Variants in TCERG1L observed in about 807,000 individuals in gnomAD.
TCERG1L encodes transcription elongation regulator 1 like, also known as transcription elongation regulator 1-like protein.
TCERG1L carries 37 observed loss-of-function variants against 56.3 expected under a neutral mutation model. That is an observed-to-expected ratio of 0.66 (90% CI 0.51 to 0.87). The LOEUF (loss-of-function observed/expected upper bound fraction) is 0.87, where lower values mean the gene tolerates loss of function less well. TCERG1L is among the 40% of genes least tolerant of loss of function. TCERG1L has a pLI of 0.00. For missense variants in TCERG1L, 799 were observed against 774.2 expected, an observed-to-expected ratio of 1.03 and a Z score of -0.38; for synonymous variants, 324 against 326.3, an observed-to-expected ratio of 0.99 and a Z score of 0.08.
At chr10:131,208,795 C>T (rs988493394) in intron 4 of TCERG1L, among the ~76,000 whole-genome samples, 7 of 152,182 alleles carry the variant, frequency 4.6e-5, no homozygotes, top group African/African-American at 2.4e-5. Context: ...CAGTGGCTCA[C>T]GCCTGTAATC....
At chr10:131,137,811 A>C (rs1302050781) in intron 7 of TCERG1L, among the ~76,000 whole-genome samples, 3 of 152,218 alleles carry the variant, frequency 2.0e-5, no homozygotes, top group African/African-American at 7.2e-5. Flanking sequence ...TAACAGACTT[A>C]GAGAATACAA....
intron 4 of TCERG1L, among the ~76,000 whole-genome samples, chr10:131,178,265 T>G (rs1452612170): frequency 6.6e-6 from 1 of 152,134 alleles, no homozygotes; most frequent in Non-Finnish European, 1.5e-5. Context: ...TGCCAGGTGC[T>G]TGGAGGGGAC....
chr10:131,144,892 T>C (rs533651507), intron 7 of TCERG1L, among the ~76,000 whole-genome samples: 1 of 152,322 alleles, frequency 6.6e-6, no homozygotes, highest in African/African-American at 2.4e-5. Flanking sequence ...CCACCCACAG[T>C]CCTGGCGAGC....
rs372051658 is a variant in TCERG1L at position 131,171,850 on chromosome 10, C to T, written c.857-4965G>A. Among the ~76,000 whole-genome samples the T allele has an allele frequency of 5.2e-4, 79 of 152,238 alleles. 2 individuals are homozygous for T. The South Asian group carries it at 0.015, about 30-fold the overall frequency. ...CCTCCCAAAGTGCTGGGATTACAGG[C>T]GTGAGCCACTGCGCCTGGCCCAGGA... On this transcript the variant is annotated intron_variant, in intron 4 of 11. Coordinates refer to ENST00000368642, the MANE Select transcript of TCERG1L (RefSeq NM_174937.4).
At chr10:131,116,681 G>C in intron 9 of TCERG1L, 118 bp downstream of exon 9, 1 of 1,354,318 alleles carries the variant, frequency 7.4e-7, no homozygotes, top group Non-Finnish European at 1.0e-6. Flanking sequence ...GGCCAGGACA[G>C]TCACTCAGCC....
At chr10:131,273,134 C>T (rs2944511) in intron 3 of TCERG1L, among the ~76,000 whole-genome samples, 128,082 of 152,140 alleles carry the variant, frequency 0.84, 54,818 homozygotes, top group East Asian at 0.92. Context: ...CTCCCCGCAT[C>T]CCTTCCATTA....
At chr10:131,276,187 G>A (rs1396821540) in intron 3 of TCERG1L, among the ~76,000 whole-genome samples, 1 of 152,178 alleles carries the variant, frequency 6.6e-6, no homozygotes, top group Non-Finnish European at 1.5e-5. Context: ...CTCCTGATAT[G>A]GGGTTACCAT....
chr10:131,115,380 G>A (rs950047521), intron 9 of TCERG1L, among the ~76,000 whole-genome samples: 1 of 141,420 alleles, frequency 7.1e-6, no homozygotes, highest in African/African-American at 2.6e-5. Flanking sequence ...GAAGCCCCAG[G>A]GGCAGAAGAG....
At chr10:131,129,663 T>C (rs1845597632) in intron 8 of TCERG1L, among the ~76,000 whole-genome samples, 2 of 152,194 alleles carry the variant, frequency 1.3e-5, no homozygotes, top group Admixed American at 1.3e-4. Flanking sequence ...CCTATCACAA[T>C]GGAACTGTTT....
At chr10:131,179,733 A>C (rs952511999) in intron 4 of TCERG1L, among the ~76,000 whole-genome samples, 1 of 152,068 alleles carries the variant, frequency 6.6e-6, no homozygotes. Context: ...TTAAACTTAA[A>C]CTACACTTCA....
At chr10:131,120,170 T>C (rs1466153494) in intron 8 of TCERG1L, among the ~76,000 whole-genome samples, 1 of 152,116 alleles carries the variant, frequency 6.6e-6, no homozygotes. Flanking sequence ...TGTGTGTGTG[T>C]GAGCTTGTGT....
intron 4 of TCERG1L, among the ~76,000 whole-genome samples, chr10:131,253,242 G>A (rs1437035281): frequency 6.6e-6 from 1 of 152,192 alleles, no homozygotes; most frequent in Non-Finnish European, 1.5e-5. Context: ...AATGACAGCT[G>A]GTGGGTGGGA....
At chr10:131,305,006 AT>A (rs1025985382) in intron 3 of TCERG1L, among the ~76,000 whole-genome samples, 1 of 151,992 alleles carries the variant, frequency 6.6e-6, no homozygotes, top group Admixed American at 6.5e-5. Context: ...GCTCCCCTTG[AT>A]TTTGTGTCTT....
chr10:131,277,043 C>T (rs1032238142), intron 3 of TCERG1L, among the ~76,000 whole-genome samples: 2 of 152,184 alleles, frequency 1.3e-5, no homozygotes, highest in African/African-American at 4.8e-5. Flanking sequence ...CATGCCTGTC[C>T]TTGCAGAACT....
intron 2 of TCERG1L, among the ~76,000 whole-genome samples, chr10:131,308,884 A>T (rs1041551026): frequency 9.2e-5 from 14 of 152,296 alleles, no homozygotes; most frequent in Admixed American, 9.2e-4. Flanking sequence ...CAAATTTAAA[A>T]ACAAAAAAAT....
intron 4 of TCERG1L, among the ~76,000 whole-genome samples, chr10:131,221,143 A>C (rs1471444081): frequency 2.6e-5 from 4 of 151,880 alleles, no homozygotes; most frequent in Non-Finnish European, 5.9e-5. Context: ...CTCCTCTCCA[A>C]CTCCCTGCAG....
intron 4 of TCERG1L, among the ~76,000 whole-genome samples, chr10:131,220,154 C>T (rs1163625223): frequency 3.3e-5 from 5 of 152,186 alleles, no homozygotes; most frequent in South Asian, 2.1e-4. Flanking sequence ...CTTCTCCTGG[C>T]GACTGTTCCC....
chr10:131,167,239 A>T (rs1454916303), intron 4 of TCERG1L, among the ~76,000 whole-genome samples: 1 of 152,194 alleles, frequency 6.6e-6, no homozygotes, highest in Non-Finnish European at 1.5e-5. Context: ...AAACAAGCCC[A>T]AAAGTGGGAG....
chr10:131,248,463 C>A (rs1846066413), intron 4 of TCERG1L, among the ~76,000 whole-genome samples: 2 of 152,134 alleles, frequency 1.3e-5, no homozygotes, highest in East Asian at 3.9e-4. Context: ...TCTCTCTCTG[C>A]CCTCCTTGGC....
Sources: allele counts gnomAD v4.1 joint callset (sites outside exome capture counted in the v4.1 genomes callset), GRCh38; gene constraint gnomAD v4.1.1; transcripts MANE v1.5; gene names NCBI Gene and HGNC (gene_info 2026-07-23, HGNC 2026-07-21).